Variants in PCED1B observed in about 807,000 individuals in gnomAD.
The protein encoded by PCED1B is PC-esterase domain-containing protein 1B.
For missense variants in PCED1B, 573 were observed against 573.9 expected (o/e 1.00, Z 0.02); for synonymous variants, 251 against 246.1 (o/e 1.02, Z -0.19).
At chr12:47,087,609 T>C (rs1396431929) in intron 1 of PCED1B, among the ~76,000 whole-genome samples, 1 of 152,224 alleles carries the variant, frequency 6.6e-6, no homozygotes, top group Non-Finnish European at 1.5e-5. Flanking sequence ...CAATTCCAAA[T>C]TGGATAAAAC....
intron 2 of PCED1B, among the ~76,000 whole-genome samples, chr12:47,211,413 A>T (rs1385671708): frequency 6.6e-6 from 1 of 151,892 alleles, no homozygotes; most frequent in Non-Finnish European, 1.5e-5. Context: ...GCACTTTGGG[A>T]GGCTGAGGCA....
chr12:47,130,160 A>C (rs1940063679), intron 2 of PCED1B, among the ~76,000 whole-genome samples: 1 of 152,196 alleles, frequency 6.6e-6, no homozygotes, highest in South Asian at 2.1e-4. Flanking sequence ...TTGTTTGGCT[A>C]ATTTTTTTAA....
chr12:47,108,005 GA>G (rs1436813217), intron 2 of PCED1B, among the ~76,000 whole-genome samples: 2 of 152,060 alleles, frequency 1.3e-5, no homozygotes, highest in Non-Finnish European at 2.9e-5. Context: ...AGGATTGTTG[GA>G]GTACAAAATG....
intron 2 of PCED1B, among the ~76,000 whole-genome samples, chr12:47,175,763 G>C (rs1941903558): frequency 2.0e-5 from 3 of 151,710 alleles, no homozygotes; most frequent in Non-Finnish European, 4.4e-5. Flanking sequence ...GTAGAGATAG[G>C]GTTTCACCAT....
chr12:47,142,287 C>T (rs930696519), intron 2 of PCED1B, among the ~76,000 whole-genome samples: 1 of 152,182 alleles, frequency 6.6e-6, no homozygotes, highest in Non-Finnish European at 1.5e-5. Context: ...AACTGCAATC[C>T]TGGTGGCAAT....
Position 47,236,395 on chromosome 12 carries a change from A to G in PCED1B, c.*33A>G. ...TAGGCCTTATTTCCTCTTTATGAACATGGATTGGACAGATCTGACACTTCC... is the reference window on the plus strand; with the variant it reads ...TAGGCCTTATTTCCTCTTTATGAACGTGGATTGGACAGATCTGACACTTCC... On this transcript the variant is annotated 3_prime_UTR_variant, in exon 4 of 4. Transcript: ENST00000546455. The G allele has an allele frequency of 6.7e-7, 1 of 1,498,456 alleles. No individual in the cohort carries two copies. 92.8% of individuals were successfully genotyped at this position (1,498,456 alleles called of 1,614,324 possible).
chr12:47,198,555 T>G (rs1352145718), intron 2 of PCED1B, among the ~76,000 whole-genome samples: 1 of 150,954 alleles, frequency 6.6e-6, no homozygotes, highest in Non-Finnish European at 1.5e-5. Flanking sequence ...AAGCCCTAAC[T>G]AATGCAGTAA....
chr12:47,152,776 C>CA (rs1467524118), intron 2 of PCED1B, among the ~76,000 whole-genome samples: 5 of 151,726 alleles, frequency 3.3e-5, no homozygotes, highest in Admixed American at 6.6e-5. Context: ...ACTAAAAATA[C>CA]AAAAAAACAT....
At chr12:47,196,644 A>G (rs1167547076) in intron 2 of PCED1B, among the ~76,000 whole-genome samples, 1 of 152,188 alleles carries the variant, frequency 6.6e-6, no homozygotes, top group African/African-American at 2.4e-5. Flanking sequence ...CCTGGCCAAC[A>G]CGGTAAAACC....
chr12:47,186,924 C>T (rs1330308123), intron 2 of PCED1B, among the ~76,000 whole-genome samples: 1 of 152,112 alleles, frequency 6.6e-6, no homozygotes, highest in African/African-American at 2.4e-5. Flanking sequence ...CCAAGAACAA[C>T]CAATTGATAA....
Position 47,150,247 on chromosome 12 carries a change from G to GC in PCED1B, c.-526+46055dup, listed in dbSNP as rs143219022. Among the ~76,000 whole-genome samples the GC allele has an allele frequency of 4.6e-3, 703 of 152,138 alleles. 5 individuals carry two copies. Among genetic ancestry groups the GC allele is most frequent in the African/African-American group, 0.016 (663 of 41,494 alleles). ...GGAGTATGACAGTAAATAAAACAAA[G>GC]CCCTGGTGGAGCTCATATTCCTGTA... is the stretch of plus-strand genomic sequence containing the variant. On this transcript the variant is annotated intron_variant, in intron 2 of 3. Coordinates refer to ENST00000546455, the MANE Select transcript of PCED1B (RefSeq NM_138371.3).
chr12:47,166,952 G>T (rs1411864661), intron 2 of PCED1B, among the ~76,000 whole-genome samples: 7 of 152,172 alleles, frequency 4.6e-5, no homozygotes, highest in Admixed American at 2.0e-4. Flanking sequence ...GAGGCAGCCA[G>T]ATGGTTAAGG....
intron 2 of PCED1B, among the ~76,000 whole-genome samples, chr12:47,157,909 G>A (rs4768141): frequency 0.72 from 108,814 of 152,118 alleles, 39,278 homozygotes; most frequent in African/African-American, 0.81. Flanking sequence ...TCTTTTGGTA[G>A]CTGGCTTGTT....
At chr12:47,217,458 A>AAAAGAAAGAAAGAGAAAG (rs1197478385) in intron 3 of PCED1B, among the ~76,000 whole-genome samples, 2 of 100,018 alleles carry the variant, frequency 2.0e-5, no homozygotes, top group Non-Finnish European at 3.7e-5. Context: ...GAAAGAAAGA[A>AAAAGAAAGAAAGAGAAAG]AAAGAAAGAA....
chr12:47,105,268 A>T (rs1014549382), intron 2 of PCED1B, among the ~76,000 whole-genome samples: 1 of 152,076 alleles, frequency 6.6e-6, no homozygotes, highest in Non-Finnish European at 1.5e-5. Flanking sequence ...GAGATGTTTC[A>T]AGTGAAGAGG....
Position 47,236,514 on chromosome 12 carries a change from G to A in PCED1B, c.*152G>A, listed in dbSNP as rs1468069353. On this transcript the variant is annotated 3_prime_UTR_variant, in exon 4 of 4. Transcript: ENST00000546455. ...TTTGTTCATTGCTGTTACCAAGAAAGCCAAGGAAGAGCAGCCTGACTCATT... is the reference window on the plus strand; with the variant it reads ...TTTGTTCATTGCTGTTACCAAGAAAACCAAGGAAGAGCAGCCTGACTCATT... 1 of 808,518 alleles carries A rather than the reference G, an allele frequency of 1.2e-6. No individual in the cohort carries two copies. The highest frequency in any genetic ancestry group is 1.9e-6 in the Non-Finnish European group (1 of 538,208). 50.1% of individuals were successfully genotyped at this position (808,518 alleles called of 1,614,324 possible).
At chr12:47,195,786 C>T (rs539187455) in intron 2 of PCED1B, among the ~76,000 whole-genome samples, 1 of 152,282 alleles carries the variant, frequency 6.6e-6, no homozygotes, top group South Asian at 2.1e-4. Flanking sequence ...TTTCCTCACC[C>T]TCTATTCACA....
intron 2 of PCED1B, among the ~76,000 whole-genome samples, chr12:47,154,306 CT>C (rs1941113479): frequency 6.6e-6 from 1 of 152,132 alleles, no homozygotes; most frequent in Non-Finnish European, 1.5e-5. Flanking sequence ...CTATGACTTC[CT>C]TATGAGCACT....
In PCED1B at chr12:47,150,143, AAAAGTG is replaced by A. The variant is rs1272754361; in HGVS notation, c.-526+45949_-526+45954del. 2.6e-5 allele frequency among the ~76,000 whole-genome samples: 4 copies of A among 152,138 alleles called. No homozygotes were observed. The South Asian group carries it at 8.3e-4, about 32-fold the overall frequency. On this transcript the variant is annotated intron_variant, in intron 2 of 3. Coordinates refer to ENST00000546455, the MANE Select transcript of PCED1B (RefSeq NM_138371.3). ...TCATATTTTAACAAAGTTGGAGGGG[AAAAGTG>A]TTCAGTAACAAATATATACATATGT...
Sources: gnomAD v4.1 joint callset for allele counts (sites outside exome capture counted in the v4.1 genomes callset) on GRCh38, gnomAD v4.1.1 for gene constraint, MANE v1.5 for transcripts, NCBI Gene and HGNC (gene_info 2026-07-23, HGNC 2026-07-21) for gene names.